The following FAM135A variants were observed in gnomAD, a reference collection of about 807,000 sequenced individuals.
FAM135A encodes protein FAM135A.
In FAM135A, 79 loss-of-function variants were observed where a neutral mutation model predicts 146.8. The ratio of observed to expected loss-of-function variants is 0.54; its 90% CI spans 0.45 to 0.65. FAM135A has a LOEUF of 0.65. FAM135A is among the 30% of genes least tolerant of loss of function. The pLI is 0.00. For synonymous variants in FAM135A, 562 were observed against 603.6 expected (o/e 0.93, Z 1.01); for missense variants, 1,623 against 1,758.2 (o/e 0.92, Z 1.38).
chr6:70,523,034 G>A (rs951132694), intron 13 of FAM135A, among the ~76,000 whole-genome samples: 3 of 152,040 alleles, frequency 2.0e-5, no homozygotes, highest in South Asian at 4.1e-4. Context: ...AGTAGATTTA[G>A]TCCTGGTTTT....
chr6:70,452,146 C>CT (rs1190425045), intron 4 of FAM135A, among the ~76,000 whole-genome samples: 1 of 151,850 alleles, frequency 6.6e-6, no homozygotes, highest in Non-Finnish European at 1.5e-5. Flanking sequence ...AAGTAATTAT[C>CT]TTTTTATTTT....
intron 20 of FAM135A, among the ~76,000 whole-genome samples, chr6:70,550,924 C>T (rs1205692168): frequency 6.6e-6 from 1 of 152,236 alleles, no homozygotes; most frequent in Non-Finnish European, 1.5e-5. Flanking sequence ...TGCTGCCTCA[C>T]CTTCCACTTT....
At chr6:70,466,508 A>C (rs1241027498) in intron 5 of FAM135A, among the ~76,000 whole-genome samples, 1 of 152,186 alleles carries the variant, frequency 6.6e-6, no homozygotes, top group Admixed American at 6.5e-5. Context: ...TCTCTGGGTT[A>C]TGGTATGCTT....
chr6:70,502,946 A>G (rs1788907789), intron 12 of FAM135A, 155 bp downstream of exon 12: 2 of 753,004 alleles, frequency 2.7e-6, no homozygotes, highest in Non-Finnish European at 4.1e-6. Flanking sequence ...AAAATTAATA[A>G]TAGAATAGAA....
Position 70,518,857 on chromosome 6 carries a change from C to A in FAM135A, c.1030-3656C>A, listed in dbSNP as rs141530390. Among the ~76,000 whole-genome samples the A allele has an allele frequency of 3.4e-3, 522 of 152,306 alleles. 2 individuals carry two copies. Among genetic ancestry groups the A allele is most frequent in the African/African-American group, 0.011 (472 of 41,564 alleles). On this transcript the variant is annotated intron_variant, in intron 12 of 21. Coordinates refer to ENST00000418814, the MANE Select transcript of FAM135A (RefSeq NM_001162529.3). ...TAATATTGCACCTACTCAGCCAAGA[C>A]CTCTCATGGAGATATACAAGGAGAT...
chr6:70,557,230 T>C, intron 21 of FAM135A: 1 of 350,018 alleles, frequency 2.9e-6, no homozygotes, highest in East Asian at 4.3e-5. Context: ...TTACTGATAG[T>C]AAATGATAAA....
At position 70,458,697 on chromosome 6, in the gene FAM135A, T is replaced by C. The variant is rs145872659; in HGVS notation, c.157+6126T>C. Among the ~76,000 whole-genome samples the C allele has an allele frequency of 3.9e-3, 592 of 152,230 alleles. 7 individuals are homozygous for C. The highest frequency in any genetic ancestry group is 0.014 in the African/African-American group (571 of 41,560). On this transcript the variant is annotated intron_variant, in intron 5 of 21. Coordinates refer to ENST00000418814, the MANE Select transcript of FAM135A (RefSeq NM_001162529.3). ...AAATTAATATGAATATCATAGAGGA[T>C]AGTGATTGATGGGATGTGGTGACTT...
At chr6:70,480,831 C>G (rs1249240751) in intron 8 of FAM135A, 70 bp from the exon 9 acceptor site, 4 of 1,436,668 alleles carry the variant, frequency 2.8e-6, no homozygotes. Flanking sequence ...TAAGATTTTC[C>G]TTTGTAAATA....
chr6:70,452,735 C>T (rs1460809200), intron 5 of FAM135A, among the ~76,000 whole-genome samples, 164 bp downstream of exon 5: 3 of 152,090 alleles, frequency 2.0e-5, no homozygotes, highest in African/African-American at 7.2e-5. Flanking sequence ...GATTTGATTA[C>T]AGATACTCTG....
intron 4 of FAM135A, among the ~76,000 whole-genome samples, chr6:70,436,834 A>G (rs1278856830): frequency 6.6e-6 from 1 of 152,228 alleles, no homozygotes; most frequent in East Asian, 1.9e-4. Context: ...TTGAACACAT[A>G]TGTTTTTAAA....
intron 10 of FAM135A, among the ~76,000 whole-genome samples, chr6:70,482,439 T>C (rs762962004): frequency 1.3e-5 from 2 of 152,090 alleles, no homozygotes; most frequent in Non-Finnish European, 2.9e-5. Flanking sequence ...CCCAAAAACA[T>C]GTTAGAAAGC....
Position 70,525,704 on chromosome 6 carries a change from C to G in FAM135A, c.2620C>G (p.Leu874Val), listed in dbSNP as rs1794558236. 3.1e-6 allele frequency: 5 copies of G among 1,612,484 alleles called. No individual in the cohort carries two copies. The East Asian group carries it at 1.1e-4, about 36-fold the overall frequency. ...AAATGATAGCAAAACTGTATTAAAT[C>G]TAGGAACGACTGATTTGCCAAAATG... Reference protein sequence around the residue: ...HLNDSKTVLNLGTTDLPKCDD... With the variant: ...HLNDSKTVLNVGTTDLPKCDD... Residue 874 changes from leucine to valine, a missense_variant, in exon 15 of 22, where the codon CTA (leucine) becomes GTA (valine). By Grantham distance (32) the Leu-to-Val change is conservative. This residue lies in a region of FAM135A where 1,061 missense variants were observed against 1,113.8 expected (regional missense o/e 0.95). Coordinates refer to ENST00000418814, the MANE Select transcript of FAM135A (RefSeq NM_001162529.3).
chr6:70,526,754 C>T (rs958545152), intron 15 of FAM135A, 56 bp downstream of exon 15: 4 of 807,656 alleles, frequency 5.0e-6, no homozygotes, highest in South Asian at 4.0e-5. Context: ...TATATATACA[C>T]ACACACACAC....
At chr6:70,531,888 CTTTTTTTTTT>C (rs869128532) in intron 16 of FAM135A, among the ~76,000 whole-genome samples, 1 of 85,716 alleles carries the variant, frequency 1.2e-5, no homozygotes, top group South Asian at 4.7e-4. Context: ...AAACTGATTT[CTTTTTTTTTT>C]TTTTTTTTTT....
At chr6:70,478,144 A>G (rs12528866) in intron 8 of FAM135A, among the ~76,000 whole-genome samples, 30,698 of 152,044 alleles carry the variant, frequency 0.2, 3,392 homozygotes, top group African/African-American at 0.29. Flanking sequence ...TTTTTACTCA[A>G]CCTTTTAAAA....
At chr6:70,502,531 T>TA in intron 11 of FAM135A, 105 bp from the exon 12 acceptor site, 1 of 1,191,102 alleles carries the variant, frequency 8.4e-7, no homozygotes, top group East Asian at 2.5e-5. Context: ...TCTCTTTTTT[T>TA]AAACCACAAA....
In FAM135A at chr6:70,524,736, A is replaced by G. The variant is rs1219004800; in HGVS notation, c.1652A>G (p.Asp551Gly). Residue 551 changes from aspartate (D) to glycine (G), a missense_variant, in exon 15 of 22, where the codon GAT becomes GGT. Physicochemically the swap from Asp to Gly is moderately conservative, Grantham distance 94. This residue lies in a region of FAM135A where 1,061 missense variants were observed against 1,113.8 expected (regional missense o/e 0.95). Transcript: ENST00000418814. ...TCACATAGTCAGAAGGAAGGTCTGG[A>G]TCCCACAATATGTGGATATAATTTT... The part of the protein sequence containing the change: ...NPSHSQKEGL[D>G]PTICGYNFDP... The G allele has an allele frequency of 6.5e-7, 1 of 1,549,204 alleles. No individual in the cohort carries two copies. Among genetic ancestry groups the G allele is most frequent in the Admixed American group, 2.0e-5 (1 of 50,526 alleles).
At chr6:70,426,118 A>G (rs1360571985) in intron 2 of FAM135A, among the ~76,000 whole-genome samples, 1 of 147,874 alleles carries the variant, frequency 6.8e-6, no homozygotes, top group Non-Finnish European at 1.5e-5. Context: ...TCAAAAAAAA[A>G]AAACAACAAC....
chr6:70,491,061 C>G lies in FAM135A; in HGVS notation c.851C>G (p.Thr284Ser), dbSNP rs1251206968. ...GAAATGGATGTAGAAGCTCGACTTACTGAACTATGTGAAGAAGTTAAGGTA... is the reference window on the plus strand; with the variant it reads ...GAAATGGATGTAGAAGCTCGACTTAGTGAACTATGTGAAGAAGTTAAGGTA... ...LEEMDVEARL[T>S]ELCEEVKKIE... The change falls in exon 11 of 22, where the codon ACT (threonine) becomes AGT (serine). Residue 284 changes from threonine to serine, a missense_variant. By Grantham distance (58) the Thr-to-Ser change is moderately conservative. Transcript: ENST00000418814. The G allele has an allele frequency of 6.2e-7, 1 of 1,602,414 alleles. No homozygotes were observed. The highest frequency in any genetic ancestry group is 8.5e-7 in the Non-Finnish European group (1 of 1,175,442).
Sources: allele counts gnomAD v4.1 joint callset (sites outside exome capture counted in the v4.1 genomes callset), GRCh38; gene constraint gnomAD v4.1.1; regional missense constraint gnomAD v4.1.1; transcripts MANE v1.5; gene names NCBI Gene and HGNC (gene_info 2026-07-23, HGNC 2026-07-21).